Variants in ATP5F1C observed in about 807,000 individuals in gnomAD.
The protein encoded by ATP5F1C is ATP synthase F1 subunit gamma.
ATP5F1C carries 22 observed loss-of-function variants against 37.4 expected under a neutral mutation model. The observed-to-expected ratio is 0.59, with a 90% confidence interval of 0.42 to 0.84. ATP5F1C has a LOEUF of 0.84. Among genes scored for constraint, ATP5F1C ranks in the 40% least tolerant of loss-of-function variants. The probability of loss-of-function intolerance (pLI) is 0.00; values close to 1 mark genes in which losing one functional copy is unlikely to be tolerated. For missense variants in ATP5F1C, 286 were observed against 362.4 expected (o/e 0.79, Z 1.71); for synonymous variants, 121 against 128.0 (o/e 0.95, Z 0.37).
chr10:7,788,378 G>A, intron 1 of ATP5F1C, 115 bp downstream of exon 1: 1 of 1,416,322 alleles, frequency 7.1e-7, no homozygotes, highest in Non-Finnish European at 9.6e-7. Flanking sequence ...GGCCTAGCTG[G>A]GCCCCTGGCC....
At position 7,802,927 on chromosome 10, in the gene ATP5F1C, A is replaced by C. The variant is rs572477058; in HGVS notation, c.890+73A>C. 61 of 1,371,260 alleles carry C rather than the reference A, an allele frequency of 4.4e-5. No homozygotes were observed. The East Asian group carries it at 1.4e-3, about 31-fold the overall frequency. The allele number at this position is 1,371,260 out of a possible 1,614,324, so 84.9% of individuals were successfully genotyped here. On this transcript the variant is annotated intron_variant, in intron 8 of 9. Coordinates refer to ENST00000356708, the MANE Select transcript of ATP5F1C (RefSeq NM_001001973.3). ...CTGTGTCTGCTTGTTTGGATGCTTAAAAGTTTTTCGTTTTTTTCTTTTGAA... is the reference window on the plus strand; with the variant it reads ...CTGTGTCTGCTTGTTTGGATGCTTACAAGTTTTTCGTTTTTTTCTTTTGAA...
chr10:7,793,332 C>T (rs973053764), intron 1 of ATP5F1C, among the ~76,000 whole-genome samples: 1 of 152,140 alleles, frequency 6.6e-6, no homozygotes, highest in Non-Finnish European at 1.5e-5. Flanking sequence ...AGGCTGGTCT[C>T]GGAACTCCTG....
At position 7,788,320 on chromosome 10, in the gene ATP5F1C, C is replaced by T. The variant is rs115294085; in HGVS notation, c.56+57C>T. Reference sequence around the variant, plus strand: ...CGCAAGGGATGGAAGAGCTTGGGCACGGGGCAGGGAGGAGGAGATGGGCGC... The same window carrying T: ...CGCAAGGGATGGAAGAGCTTGGGCATGGGGCAGGGAGGAGGAGATGGGCGC... On this transcript the variant is annotated intron_variant, in intron 1 of 9. Transcript: ENST00000356708. The T allele has an allele frequency of 8.3e-4, 1,326 of 1,596,154 alleles. 9 individuals are homozygous for T. The African/African-American group carries it at 0.014, about 17-fold the overall frequency.
At chr10:7,804,265 A>C (rs1202849136) in intron 8 of ATP5F1C, 1 of 511,104 alleles carries the variant, frequency 2.0e-6, no homozygotes, top group African/African-American at 1.9e-5. Context: ...GAAAATAACA[A>C]AATCCATTCT....
intron 6 of ATP5F1C, among the ~76,000 whole-genome samples, chr10:7,800,504 T>TA (rs1564333526): frequency 3.4e-5 from 5 of 148,542 alleles, no homozygotes; most frequent in Non-Finnish European, 6.0e-5. Context: ...TTTTTATTTT[T>TA]TATTTTTTGA....
At position 7,802,252 on chromosome 10, in the gene ATP5F1C, C is replaced by A; in HGVS notation, c.638-18C>A. The A allele has an allele frequency of 6.3e-7, 1 of 1,587,700 alleles. No homozygotes were observed. On this transcript the variant is annotated intron_variant, in intron 6 of 9. Transcript: ENST00000356708. Reference sequence around the variant, plus strand: ...CCTTCCATATAACTTGAAAGAAACTCATCACTTGTTTTAACAGACAGCATG... The same window carrying A: ...CCTTCCATATAACTTGAAAGAAACTAATCACTTGTTTTAACAGACAGCATG...
chr10:7,795,989 T>C (rs954911822), intron 1 of ATP5F1C, 132 bp from the exon 2 acceptor site: 3 of 681,600 alleles, frequency 4.4e-6, no homozygotes, highest in Non-Finnish European at 2.5e-6. Flanking sequence ...ATATACATTC[T>C]GAGTCCTGTA....
At chr10:7,796,983 A>C in intron 2 of ATP5F1C, 64 bp from the exon 3 acceptor site, 1 of 1,551,428 alleles carries the variant, frequency 6.4e-7, no homozygotes, top group Non-Finnish European at 8.8e-7. Flanking sequence ...AAAATATGTC[A>C]ATAAATTCAC....
rs375125750 is a variant in ATP5F1C at position 7,802,250 on chromosome 10, C to T, written c.638-20C>T. 1.3e-6 allele frequency: 2 copies of T among 1,584,840 alleles called. No individual in the cohort carries two copies. Among genetic ancestry groups the T allele is most frequent in the Non-Finnish European group, 8.6e-7 (1 of 1,167,240 alleles). On this transcript the variant is annotated intron_variant, in intron 6 of 9. Coordinates refer to ENST00000356708, the MANE Select transcript of ATP5F1C (RefSeq NM_001001973.3). ...TTCCTTCCATATAACTTGAAAGAAA[C>T]TCATCACTTGTTTTAACAGACAGCA...
intron 3 of ATP5F1C, among the ~76,000 whole-genome samples, chr10:7,797,730 G>A (rs1433237014): frequency 6.6e-6 from 1 of 152,070 alleles, no homozygotes; most frequent in Admixed American, 6.6e-5. Flanking sequence ...TTGAGAATCC[G>A]AACGATGTTG....
chr10:7,793,229 A>T (rs1479691779), intron 1 of ATP5F1C, among the ~76,000 whole-genome samples: 2 of 152,204 alleles, frequency 1.3e-5, no homozygotes, highest in African/African-American at 4.8e-5. Flanking sequence ...CTTCTGCCTC[A>T]GCCTCCTGAG....
chr10:7,807,064 A>G, intron 9 of ATP5F1C, 54 bp downstream of exon 9: 5 of 1,509,048 alleles, frequency 3.3e-6, no homozygotes, highest in Non-Finnish European at 4.6e-6. Flanking sequence ...CTATTCAGAT[A>G]TAAGTTAAGC....
At chr10:7,801,330 G>A (rs1334974548) in intron 6 of ATP5F1C, among the ~76,000 whole-genome samples, 2 of 152,154 alleles carry the variant, frequency 1.3e-5, no homozygotes, top group African/African-American at 4.8e-5. Context: ...GTTACAACCA[G>A]TACCATTTAA....
chr10:7,795,502 GA>G (rs1043420344), intron 1 of ATP5F1C, among the ~76,000 whole-genome samples: 4 of 151,632 alleles, frequency 2.6e-5, no homozygotes, highest in East Asian at 3.9e-4. Flanking sequence ...TTAAAGACTT[GA>G]AAAAAAATAC....
chr10:7,794,454 G>T (rs1836206423), intron 1 of ATP5F1C, among the ~76,000 whole-genome samples: 1 of 151,430 alleles, frequency 6.6e-6, no homozygotes, highest in Non-Finnish European at 1.5e-5. Flanking sequence ...CAATCTTATG[G>T]GGAAAGCTCC....
intron 6 of ATP5F1C, 122 bp from the exon 7 acceptor site, chr10:7,802,148 A>G: frequency 1.0e-6 from 1 of 993,500 alleles, no homozygotes. Context: ...AGATTCATTT[A>G]CCTTATCTAG....
intron 1 of ATP5F1C, 147 bp from the exon 2 acceptor site, chr10:7,795,974 T>A: frequency 1.6e-6 from 1 of 617,254 alleles, no homozygotes; most frequent in Non-Finnish European, 2.8e-6. Context: ...AATATATGTC[T>A]ATTCATATAC....
Position 7,800,061 on chromosome 10 carries a change from A to G in ATP5F1C, c.607A>G (p.Ile203Val), listed in dbSNP as rs1836324630. Residue 203 changes from isoleucine to valine, a missense_variant, in exon 6 of 10, where the codon ATC (isoleucine) becomes GTC (valine). By Grantham distance (29) the Ile-to-Val change is conservative (BLOSUM62 3). Coordinates refer to ENST00000356708, the MANE Select transcript of ATP5F1C (RefSeq NM_001001973.3). The stretch of plus-strand genomic sequence containing the variant: ...CTCCTATAAGACAGAAGAAAAGCCC[A>G]TCTTTTCCCTTAATACCGTTGCAAG... ...VISYKTEEKP[I>V]FSLNTVASAD... The G allele has an allele frequency of 6.2e-7, 1 of 1,614,096 alleles. No individual in the cohort carries two copies. Among genetic ancestry groups the G allele is most frequent in the East Asian group, 2.2e-5 (1 of 44,878 alleles).
At position 7,802,808 on chromosome 10, in the gene ATP5F1C, G is replaced by C; in HGVS notation, c.844G>C (p.Val282Leu). The change falls in exon 8 of 10, where the codon GTC (valine) becomes CTC (leucine). Residue 282 changes from valine (V) to leucine (L), a missense_variant. Coordinates refer to ENST00000356708, the MANE Select transcript of ATP5F1C (RefSeq NM_001001973.3). ...GACATTCAACCGTACCCGCCAAGCT[G>C]TCATCACAAAAGAGTTGATTGAAAT... is the stretch of plus-strand genomic sequence containing the variant. ...TLTFNRTRQA[V>L]ITKELIEIIS... The C allele has an allele frequency of 6.2e-7, 1 of 1,614,046 alleles. No individual in the cohort carries two copies. The highest frequency in any genetic ancestry group is 8.5e-7 in the Non-Finnish European group (1 of 1,179,984).
Sources: gnomAD v4.1 joint callset for allele counts (sites outside exome capture counted in the v4.1 genomes callset) on GRCh38, gnomAD v4.1.1 for gene constraint, MANE v1.5 for transcripts, NCBI Gene and HGNC (gene_info 2026-07-23, HGNC 2026-07-21) for gene names.